PHACTR2: variants seen among roughly 807,000 people sequenced by gnomAD.
The protein encoded by PHACTR2 is chromosome 6 open reading frame 56.
PHACTR2 carries 30 observed loss-of-function variants against 76.0 expected under a neutral mutation model. That is an observed-to-expected ratio of 0.39 (90% CI 0.30 to 0.54). The LOEUF is 0.54. Among genes scored for constraint, PHACTR2 ranks in the 20% least tolerant of loss-of-function variants. The probability of loss-of-function intolerance (pLI) is 0.61; values close to 1 mark genes in which losing one functional copy is unlikely to be tolerated. For missense variants in PHACTR2, 696 were observed against 781.1 expected (o/e 0.89, Z 1.30); for synonymous variants, 292 against 292.5 (o/e 1.00, Z 0.02).
At position 143,654,032 on chromosome 6, in the gene PHACTR2, A is replaced by G. The variant is rs934720964; in HGVS notation, c.13+45710A>G. 6.6e-6 allele frequency among the ~76,000 whole-genome samples: 1 copy of G among 152,218 alleles called. No individual in the cohort carries two copies. Among genetic ancestry groups the G allele is most frequent in the Admixed American group, 6.5e-5 (1 of 15,286 alleles). ...CAATAATAAAAAGACAAATACTCCA[A>G]TGTTCAAATGGGCAAAGGATTTGAA... On this transcript the variant is annotated intron_variant, in intron 1 of 11. Coordinates refer to the PHACTR2 transcript ENST00000305766. The surrounding 1 kb of genome is among the most constrained non-coding windows in gnomAD (Gnocchi z 4.6).
At chr6:143,769,532 C>T (rs1775041526) in intron 6 of PHACTR2, among the ~76,000 whole-genome samples, 1 of 152,008 alleles carries the variant, frequency 6.6e-6, no homozygotes, top group Admixed American at 6.6e-5. Flanking sequence ...AGACTTGCTA[C>T]CTTGGTTAGG....
At chr6:143,612,444 G>A (rs1582699518) in intron 1 of PHACTR2, among the ~76,000 whole-genome samples, 1 of 152,288 alleles carries the variant, frequency 6.6e-6, no homozygotes, top group East Asian at 1.9e-4. Context: ...GAATGCATAT[G>A]TTTTGAAAGA....
At chr6:143,748,937 A>G in intron 2 of PHACTR2, 48 bp from the exon 3 acceptor site, 1 of 951,788 alleles carries the variant, frequency 1.1e-6, no homozygotes, top group South Asian at 1.4e-5. Flanking sequence ...TTTCATAATT[A>G]TCTTAAGGAA....
rs1775585837 is a variant in PHACTR2, at chr6:143,787,689, A to T, written c.1708-1084A>T. On this transcript the variant is annotated intron_variant, in intron 10 of 12. Transcript: ENST00000440869. This position sits in a 1 kb window ranked among gnomAD's most constrained non-coding sequence, Gnocchi z 4.6. Reference sequence around the variant, plus strand: ...GCACTTTGGGAGGCTGAGATGGGAGAATCGCTTGAGCCCAAGAGTTCAAGA... The same window carrying T: ...GCACTTTGGGAGGCTGAGATGGGAGTATCGCTTGAGCCCAAGAGTTCAAGA... Among the ~76,000 whole-genome samples the T allele has an allele frequency of 6.6e-6, 1 of 152,064 alleles. No homozygotes were observed. The highest frequency in any genetic ancestry group is 2.4e-5 in the African/African-American group (1 of 41,408).
chr6:143,725,820 CAAA>C (rs35596471), intron 2 of PHACTR2, among the ~76,000 whole-genome samples: 69,504 of 131,820 alleles, frequency 0.53, 16,429 homozygotes, highest in Middle Eastern at 0.62. Context: ...GACTCTGTCT[CAAA>C]AAAAAAAAAA....
intron 2 of PHACTR2, among the ~76,000 whole-genome samples, chr6:143,744,224 A>G (rs1247082700): frequency 6.6e-6 from 1 of 152,240 alleles, no homozygotes; most frequent in Non-Finnish European, 1.5e-5. Context: ...GAGGGAGAAG[A>G]CAGAAGATTC....
rs566414902 is a variant in PHACTR2 at position 143,580,581 on chromosome 6, G to A, written c.217+43374G>A. ...CCAGCTACTTGGGAGGCTGAGGCAG[G>A]AGAATTGCTTGAACCCGGGAGGCAG... On this transcript the variant is annotated intron_variant, in intron 1 of 11. Coordinates refer to the PHACTR2 transcript ENST00000367584. This position sits in a 1 kb window ranked among gnomAD's most constrained non-coding sequence, Gnocchi z 4.2. Among the ~76,000 whole-genome samples the A allele has an allele frequency of 1.4e-4, 21 of 152,200 alleles. No individual in the cohort carries two copies. Among genetic ancestry groups the A allele is most frequent in the Non-Finnish European group, 2.6e-4 (18 of 68,038 alleles).
At chr6:143,707,040 G>A (rs1178945549) in intron 1 of PHACTR2, among the ~76,000 whole-genome samples, 3 of 152,136 alleles carry the variant, frequency 2.0e-5, no homozygotes, top group Non-Finnish European at 4.4e-5. Flanking sequence ...CCTAAGCACT[G>A]TTCTAATTTT....
chr6:143,687,055 A>G (rs990330351), intron 1 of PHACTR2, among the ~76,000 whole-genome samples: 3 of 152,072 alleles, frequency 2.0e-5, no homozygotes, highest in Non-Finnish European at 2.9e-5. Flanking sequence ...TTTAGGTTTA[A>G]TTGTTTTTTT....
intron 11 of PHACTR2, among the ~76,000 whole-genome samples, chr6:143,797,263 T>G (rs1775847691): frequency 6.6e-6 from 1 of 152,212 alleles, no homozygotes; most frequent in African/African-American, 2.4e-5. Flanking sequence ...GGTTGTTTGC[T>G]TTTTTCTTGT....
intron 1 of PHACTR2, among the ~76,000 whole-genome samples, chr6:143,701,464 T>C (rs1777910993): frequency 6.6e-6 from 1 of 152,228 alleles, no homozygotes; most frequent in Non-Finnish European, 1.5e-5. Flanking sequence ...GGCATTGTTT[T>C]AGACAGCAAA....
rs913048845 is a variant in PHACTR2 at position 143,696,761 on chromosome 6, A to C, written c.47-15255A>C. 2.6e-5 allele frequency among the ~76,000 whole-genome samples: 4 copies of C among 152,330 alleles called. No homozygotes were observed. In the East Asian group the frequency reaches 5.8e-4, roughly 22 times the overall value. ...ACATAGCTAAAGAGTTAAACAAAAC[A>C]AACCATTTTCTTCTCTGGAAGCTTT... On this transcript the variant is annotated intron_variant, in intron 1 of 12. Coordinates refer to ENST00000440869, the MANE Select transcript of PHACTR2 (RefSeq NM_001100164.2). This position sits in a 1 kb window ranked among gnomAD's most constrained non-coding sequence, Gnocchi z 4.1.
In PHACTR2 at chr6:143,709,082, C is replaced by A. The variant is rs1778112644; in HGVS notation, c.47-2934C>A. The stretch of plus-strand genomic sequence containing the variant: ...AAGAAGTAAAACCATACTCTCAGTT[C>A]CCCCTGGGTTTGCCCTCTGGTTCAA... On this transcript the variant is annotated intron_variant, in intron 1 of 12. Transcript: ENST00000440869. This position sits in a 1 kb window ranked among gnomAD's most constrained non-coding sequence, Gnocchi z 4.4. 2.0e-5 allele frequency among the ~76,000 whole-genome samples: 3 copies of A among 152,160 alleles called. No homozygotes were observed. The South Asian group carries it at 6.2e-4, about 32-fold the overall frequency.
intron 2 of PHACTR2, among the ~76,000 whole-genome samples, chr6:143,727,162 C>A (rs77748084): frequency 0.097 from 14,735 of 152,190 alleles, 1,088 homozygotes; most frequent in African/African-American, 0.2. Flanking sequence ...CTACCTCTAT[C>A]AGATCAACTG....
rs1203942014 is a variant in PHACTR2, at chr6:143,760,830, G to T, written c.694+190G>T. 6.6e-6 allele frequency among the ~76,000 whole-genome samples: 1 copy of T among 152,156 alleles called. No homozygotes were observed. Among genetic ancestry groups the T allele is most frequent in the African/African-American group, 2.4e-5 (1 of 41,432 alleles). On this transcript the variant is annotated intron_variant, in intron 5 of 12. Coordinates refer to ENST00000440869, the MANE Select transcript of PHACTR2 (RefSeq NM_001100164.2). The surrounding 1 kb of genome is among the most constrained non-coding windows in gnomAD (Gnocchi z 6.4). ...TCTACCAAAGGAAATTCAACCCATT[G>T]AATAGTTCACCTCATTAGTTTTTGA...
At chr6:143,559,837 A>G (rs1243464456) in intron 1 of PHACTR2, among the ~76,000 whole-genome samples, 2 of 150,382 alleles carry the variant, frequency 1.3e-5, no homozygotes, top group African/African-American at 4.9e-5. Flanking sequence ...CAGCCTCCCA[A>G]GTAGCTGGGG....
In PHACTR2 at chr6:143,619,142, A is replaced by G. The variant is rs567356153; in HGVS notation, c.13+10820A>G. 2.1e-5 allele frequency among the ~76,000 whole-genome samples: 3 copies of G among 143,606 alleles called. No homozygotes were observed. The highest frequency in any genetic ancestry group is 7.5e-5 in the African/African-American group (3 of 39,886). The allele number at this position is 143,606 out of a possible 152,430, so 94.2% of individuals were successfully genotyped here. On this transcript the variant is annotated intron_variant, in intron 1 of 11. Transcript: ENST00000305766. This position sits in a 1 kb window ranked among gnomAD's most constrained non-coding sequence, Gnocchi z 4.5. ...CATTAGAATCACTTGTGCAATTAAA[A>G]TCTTCCTGCCTGTCTGTCTGTCCAT...
chr6:143,692,984 G>A (rs976072592), intron 1 of PHACTR2, among the ~76,000 whole-genome samples: 8 of 152,152 alleles, frequency 5.3e-5, no homozygotes, highest in Non-Finnish European at 7.3e-5. Context: ...ACTTGTAGAT[G>A]TCTGCCTTCC....
chr6:143,726,486 T>C (rs1194271845), intron 2 of PHACTR2, among the ~76,000 whole-genome samples: 3 of 152,222 alleles, frequency 2.0e-5, no homozygotes, highest in Admixed American at 1.3e-4. Flanking sequence ...TGAATTTGAC[T>C]ACTTTAGATC....
Sources: allele counts gnomAD v4.1 joint callset (sites outside exome capture counted in the v4.1 genomes callset), GRCh38; gene constraint gnomAD v4.1.1; non-coding constraint Gnocchi (gnomAD v3.1); transcripts MANE v1.5; gene names NCBI Gene and HGNC (gene_info 2026-07-23, HGNC 2026-07-21).